Variants in CLIP4 observed in about 807,000 individuals in gnomAD.
The protein encoded by CLIP4 is CAP-Gly domain-containing linker protein 4.
In CLIP4, 47 loss-of-function variants were observed where a neutral mutation model predicts 73.1. The observed-to-expected ratio is 0.64, with a 90% confidence interval of 0.51 to 0.82. The LOEUF (loss-of-function observed/expected upper bound fraction) is 0.82, where lower values mean the gene tolerates loss of function less well. Ranked by LOEUF, CLIP4 falls within the 40% of genes least tolerant of loss-of-function variation. The pLI, the probability that CLIP4 is intolerant of heterozygous loss-of-function variation, is 0.00. For synonymous variants in CLIP4, 306 were observed against 295.4 expected, an observed-to-expected ratio of 1.04 and a Z score of -0.37; for missense variants, 874 against 852.9, an observed-to-expected ratio of 1.02 and a Z score of -0.31.
chr2:29,107,364 T>G lies in CLIP4; in HGVS notation c.-16+9417T>G, dbSNP rs1011792790. 2.3e-3 allele frequency among the ~76,000 whole-genome samples: 178 copies of G among 77,034 alleles called. 3 individuals are homozygous for G. Among genetic ancestry groups the G allele is most frequent in the African/African-American group, 9.9e-3 (173 of 17,530 alleles). The allele number at this position is 77,034 out of a possible 152,430, so 50.5% of individuals were successfully genotyped here. A position where few individuals can be genotyped will look rare whatever the true frequency, so the allele number is the denominator to read the frequency against. ...AAATTCCTGGAACATGATAGTTTTT[T>G]TTTTTTTTTTTTTTTTTTTTTTTTT... is the stretch of plus-strand genomic sequence containing the variant. On this transcript the variant is annotated intron_variant, in intron 1 of 14. Coordinates refer to the CLIP4 transcript ENST00000401605.
chr2:29,130,619 T>C lies in CLIP4; in HGVS notation c.134-639T>C, dbSNP rs1003132036. On this transcript the variant is annotated intron_variant, in intron 2 of 15. Coordinates refer to ENST00000320081, the MANE Select transcript of CLIP4 (RefSeq NM_024692.6). Reference sequence around the variant, plus strand: ...CTTGGCTTCTATTTTGATTTTTGCCTAACAGGACCATTTTGTTGTCTAAGC... The same window carrying C: ...CTTGGCTTCTATTTTGATTTTTGCCCAACAGGACCATTTTGTTGTCTAAGC... The C allele has an allele frequency of 4.5e-6, 5 of 1,100,626 alleles. No homozygotes were observed. The South Asian group carries it at 1.1e-4, about 25-fold the overall frequency. The allele number at this position is 1,100,626 out of a possible 1,614,324, so 68.2% of individuals were successfully genotyped here.
chr2:29,098,920 G>A (rs1464876192), intron 1 of CLIP4, among the ~76,000 whole-genome samples: 3 of 152,168 alleles, frequency 2.0e-5, no homozygotes, highest in Non-Finnish European at 4.4e-5. Flanking sequence ...GCGTGTAGTG[G>A]CATCTCATGG....
At chr2:29,101,190 T>C (rs530063757) in intron 1 of CLIP4, among the ~76,000 whole-genome samples, 1 of 150,328 alleles carries the variant, frequency 6.7e-6, no homozygotes, top group East Asian at 2.0e-4. Flanking sequence ...CCTGGGAGGC[T>C]GAGGCAAGAG....
intron 13 of CLIP4, among the ~76,000 whole-genome samples, chr2:29,165,965 C>A (rs1255856666): frequency 9.4e-6 from 1 of 105,862 alleles, no homozygotes; most frequent in African/African-American, 3.5e-5. Flanking sequence ...AAAAGCAGCC[C>A]CCTCTTCTTC....
At chr2:29,180,649 A>G (rs1185168305) in intron 15 of CLIP4, among the ~76,000 whole-genome samples, 1 of 152,204 alleles carries the variant, frequency 6.6e-6, no homozygotes, top group Non-Finnish European at 1.5e-5. Flanking sequence ...TTTTAAAGTG[A>G]ACAAAAAATA....
At chr2:29,175,279 TA>T (rs1225306342) in intron 15 of CLIP4, 1 of 152,244 alleles carries the variant, frequency 6.6e-6, no homozygotes, top group African/African-American at 2.4e-5. Context: ...TGAGGACTGT[TA>T]GGTACTGTTG....
At chr2:29,109,362 A>T (rs1420183514) in intron 1 of CLIP4, among the ~76,000 whole-genome samples, 1 of 151,862 alleles carries the variant, frequency 6.6e-6, no homozygotes, top group Non-Finnish European at 1.5e-5. Flanking sequence ...CTTTAAGAAG[A>T]CTTCAATTTT....
intron 1 of CLIP4, among the ~76,000 whole-genome samples, chr2:29,103,564 A>G (rs1174292602): frequency 6.6e-6 from 1 of 152,158 alleles, no homozygotes; most frequent in East Asian, 1.9e-4. Flanking sequence ...TACCCATTTC[A>G]TAAATGAGGG....
chr2:29,103,691 GT>G (rs900785835), intron 1 of CLIP4, among the ~76,000 whole-genome samples: 10 of 146,412 alleles, frequency 6.8e-5, no homozygotes, highest in Admixed American at 2.0e-4. Context: ...GCACTGCTCT[GT>G]TTTTTTTTTG....
At chr2:29,174,133 T>A (rs878968717) in intron 14 of CLIP4, among the ~76,000 whole-genome samples, 1 of 152,156 alleles carries the variant, frequency 6.6e-6, no homozygotes, top group Non-Finnish European at 1.5e-5. Flanking sequence ...TCTTTTTTTT[T>A]AATGAGATAG....
At chr2:29,147,146 T>C (rs1341341158) in intron 8 of CLIP4, among the ~76,000 whole-genome samples, 1 of 152,170 alleles carries the variant, frequency 6.6e-6, no homozygotes, top group Non-Finnish European at 1.5e-5. Context: ...TTTCCTTTAA[T>C]TTTTCCAATT....
intron 1 of CLIP4, among the ~76,000 whole-genome samples, chr2:29,101,187 G>C (rs914833736): frequency 1.3e-5 from 2 of 151,854 alleles, no homozygotes; most frequent in Non-Finnish European, 2.9e-5. Context: ...CTACCTGGGA[G>C]GCTGAGGCAA....
chr2:29,174,595 G>C (rs957706056), intron 15 of CLIP4, 150 bp downstream of exon 15: 1 of 1,364,314 alleles, frequency 7.3e-7, no homozygotes, highest in Middle Eastern at 2.0e-4. Context: ...ATTGAGAAGC[G>C]TTCTTCCTCC....
intron 2 of CLIP4, chr2:29,130,911 T>C (rs1276164678): frequency 7.7e-7 from 1 of 1,290,540 alleles, no homozygotes; most frequent in South Asian, 1.2e-5. Context: ...GCAAGTAGAA[T>C]AATAGAGGAA....
At chr2:29,145,107 T>A (rs1243461680) in intron 7 of CLIP4, 125 bp from the exon 8 acceptor site, 3 of 734,564 alleles carry the variant, frequency 4.1e-6, no homozygotes, top group Non-Finnish European at 6.4e-6. Context: ...AGAGAGCGAA[T>A]TTTTAAAATT....
chr2:29,129,898 G>A, intron 2 of CLIP4: 1 of 432,986 alleles, frequency 2.3e-6, no homozygotes. Context: ...ACAAGATTCT[G>A]ATCCACAGTG....
chr2:29,130,060 A>G (rs961679619), intron 2 of CLIP4: 4 of 470,246 alleles, frequency 8.5e-6, no homozygotes, highest in African/African-American at 6.0e-5. Flanking sequence ...AGTTTCAGCA[A>G]AGGTTGTTCA....
chr2:29,174,388 T>C lies in CLIP4; in HGVS notation c.1739T>C (p.Phe580Ser). The C allele has an allele frequency of 6.2e-7, 1 of 1,612,558 alleles. No individual in the cohort carries two copies. Among genetic ancestry groups the C allele is most frequent in the Non-Finnish European group, 8.5e-7 (1 of 1,179,622 alleles). Residue 580 changes from phenylalanine (F) to serine (S), a missense_variant, in exon 15 of 16, where the codon TTT becomes TCT. Coordinates refer to ENST00000320081, the MANE Select transcript of CLIP4 (RefSeq NM_024692.6). ...NHSYPGFRRS[F>S]STTSASSQKE... Reference sequence around the variant, plus strand: ...TCATATTTAGGTTTTAGGAGAAGTTTTAGCACAACTTCTGCTTCTTCCCAA... The same window carrying C: ...TCATATTTAGGTTTTAGGAGAAGTTCTAGCACAACTTCTGCTTCTTCCCAA...
At chr2:29,103,254 CTTA>C (rs937863614) in intron 1 of CLIP4, among the ~76,000 whole-genome samples, 3 of 151,902 alleles carry the variant, frequency 2.0e-5, no homozygotes, top group Non-Finnish European at 4.4e-5. Flanking sequence ...CTAAAAATTA[CTTA>C]TTATTTATAT....
Sources: allele counts gnomAD v4.1 joint callset (sites outside exome capture counted in the v4.1 genomes callset), GRCh38; gene constraint gnomAD v4.1.1; transcripts MANE v1.5; gene names NCBI Gene and HGNC (gene_info 2026-07-23, HGNC 2026-07-21).